Variants in UNC13C observed in about 807,000 individuals in gnomAD.
UNC13C encodes protein unc-13 homolog C.
A neutral mutation model predicts 245.4 loss-of-function variants in UNC13C; 174 were observed. That is an observed-to-expected ratio of 0.71 (90% CI 0.63 to 0.80). The LOEUF is 0.80. Among genes scored for constraint, UNC13C ranks in the 30% least tolerant of loss-of-function variants. The pLI is 0.00. For missense variants in UNC13C, 2,829 were observed against 2,602.9 expected (o/e 1.09, Z -1.89); for synonymous variants, 992 against 895.1 (o/e 1.11, Z -1.93).
intron 2 of UNC13C, among the ~76,000 whole-genome samples, chr15:54,137,783 A>C (rs1264783515): frequency 6.6e-6 from 1 of 151,920 alleles, no homozygotes; most frequent in Non-Finnish European, 1.5e-5. Flanking sequence ...TCTTAGTTTC[A>C]TCTATCTTTT....
the UNC13C span, among the ~76,000 whole-genome samples, chr15:53,961,181 G>C: frequency 6.6e-6 from 1 of 152,208 alleles, no homozygotes; most frequent in African/African-American, 2.4e-5. Flanking sequence ...GGGCACTCCA[G>C]CCAATACAGC....
chr15:54,264,974 A>T (rs1451270631), intron 9 of UNC13C, among the ~76,000 whole-genome samples: 1 of 151,948 alleles, frequency 6.6e-6, no homozygotes, highest in East Asian at 1.9e-4. Flanking sequence ...ATCAATATTG[A>T]CGGCAGACTC....
intron 27 of UNC13C, among the ~76,000 whole-genome samples, chr15:54,549,414 C>G (rs751494614): frequency 3.8e-4 from 58 of 152,236 alleles, no homozygotes; most frequent in Non-Finnish European, 7.1e-4. Context: ...TTAACCTAAA[C>G]TTAAGACTTT....
At chr15:54,322,954 A>G (rs2038202486) in intron 14 of UNC13C, among the ~76,000 whole-genome samples, 1 of 151,776 alleles carries the variant, frequency 6.6e-6, no homozygotes, top group Admixed American at 6.6e-5. Flanking sequence ...GGTCAGGGCA[A>G]ATGGGTAGGC....
At chr15:54,132,077 T>TTTTTTTCTTTTTCTTTTTC (rs760638339) in intron 2 of UNC13C, among the ~76,000 whole-genome samples, 1 of 60,474 alleles carries the variant, frequency 1.7e-5, no homozygotes. Flanking sequence ...TCTTTTTCTT[T>TTTTTTTCTTTTTCTTTTTC]TTTTTTTTTG....
intron 17 of UNC13C, among the ~76,000 whole-genome samples, 172 bp downstream of exon 17, chr15:54,338,661 G>A (rs2038653576): frequency 6.6e-6 from 1 of 151,976 alleles, no homozygotes; most frequent in South Asian, 2.1e-4. Flanking sequence ...TCACATACAT[G>A]AACTAATTCG....
At chr15:53,942,229 G>C in the UNC13C span, among the ~76,000 whole-genome samples, 3 of 152,130 alleles carry the variant, frequency 2.0e-5, no homozygotes, top group African/African-American at 7.2e-5. Context: ...CCCATAAAAA[G>C]GAGTGAGATC....
At chr15:54,592,191 T>C (rs1319309034) in intron 30 of UNC13C, among the ~76,000 whole-genome samples, 1 of 152,174 alleles carries the variant, frequency 6.6e-6, no homozygotes. Flanking sequence ...CTTAAATGTA[T>C]TGAGGCTCAT....
intron 2 of UNC13C, among the ~76,000 whole-genome samples, chr15:54,122,191 A>G (rs916995366): frequency 9.2e-5 from 14 of 151,826 alleles, no homozygotes; most frequent in Non-Finnish European, 2.1e-4. Context: ...AGAAATGATA[A>G]CAGTCCTATG....
At chr15:54,153,805 A>G (rs1373494703) in intron 4 of UNC13C, among the ~76,000 whole-genome samples, 2 of 152,068 alleles carry the variant, frequency 1.3e-5, no homozygotes, top group African/African-American at 4.8e-5. Context: ...TAAACTAGTA[A>G]TAGGTTGAAT....
intron 4 of UNC13C, among the ~76,000 whole-genome samples, chr15:54,232,575 TA>T (rs764852960): frequency 1.3e-5 from 2 of 152,284 alleles, no homozygotes; most frequent in East Asian, 3.9e-4. Context: ...TGGTTACTGA[TA>T]AAAGAAAATT....
chr15:54,555,853 C>T (rs1195413841), intron 29 of UNC13C, among the ~76,000 whole-genome samples: 1 of 151,946 alleles, frequency 6.6e-6, no homozygotes, highest in Non-Finnish European at 1.5e-5. Flanking sequence ...ACCCTAAAAC[C>T]CAGATAAACA....
intron 19 of UNC13C, among the ~76,000 whole-genome samples, chr15:54,445,300 G>T (rs1890748049): frequency 6.6e-6 from 1 of 152,152 alleles, no homozygotes; most frequent in Non-Finnish European, 1.5e-5. Flanking sequence ...CTCTGTAGCA[G>T]CATGATTTAT....
At chr15:54,131,888 C>T (rs944864483) in intron 2 of UNC13C, among the ~76,000 whole-genome samples, 7 of 152,072 alleles carry the variant, frequency 4.6e-5, no homozygotes, top group African/African-American at 1.7e-4. Flanking sequence ...CCTTTTTACT[C>T]TGCCAGGAAT....
At chr15:53,998,613 T>C (rs1003286415) in intron 1 of UNC13C, among the ~76,000 whole-genome samples, 7 of 152,146 alleles carry the variant, frequency 4.6e-5, no homozygotes, top group Non-Finnish European at 1.0e-4. Context: ...TTCATTGTTT[T>C]GCCTTATTGA....
intron 30 of UNC13C, among the ~76,000 whole-genome samples, chr15:54,594,371 C>T (rs973486515): frequency 5.3e-5 from 8 of 151,860 alleles, no homozygotes; most frequent in Middle Eastern, 3.2e-3. Flanking sequence ...CATTGGTGGG[C>T]GATGCCTTAG....
downstream of UNC13C, chr15:54,631,510 C>CTT (rs1337057580): frequency 1.3e-5 from 2 of 152,232 alleles, no homozygotes; most frequent in African/African-American, 4.8e-5. Context: ...TAGACAAACA[C>CTT]TTTTCCTACT....
At chr15:54,621,000 G>A (rs1900764954) in intron 30 of UNC13C, among the ~76,000 whole-genome samples, 2 of 152,056 alleles carry the variant, frequency 1.3e-5, no homozygotes, top group Admixed American at 6.6e-5. Flanking sequence ...GTGAAGGGTT[G>A]TTCTAAAATT....
chr15:54,227,172 G>C (rs967679979), intron 4 of UNC13C, among the ~76,000 whole-genome samples: 1 of 152,090 alleles, frequency 6.6e-6, no homozygotes, highest in Non-Finnish European at 1.5e-5. Flanking sequence ...CAGGCAGATC[G>C]TTCTTATTTC....
Sources: allele counts gnomAD v4.1 joint callset (sites outside exome capture counted in the v4.1 genomes callset), GRCh38; gene constraint gnomAD v4.1.1; transcripts MANE v1.5; gene names NCBI Gene and HGNC (gene_info 2026-07-23, HGNC 2026-07-21).